OSBPL6: variants seen among roughly 807,000 people sequenced by gnomAD.
The protein encoded by OSBPL6 is oxysterol-binding protein-related protein 6.
Under a neutral mutation model 125.8 loss-of-function variants are expected in OSBPL6, and 49 were observed. That is an observed-to-expected ratio of 0.39 (90% CI 0.31 to 0.49). The LOEUF is 0.49. Ranked by LOEUF, OSBPL6 falls within the 20% of genes least tolerant of loss-of-function variation. OSBPL6 has a pLI of 0.88. For missense variants in OSBPL6, 986 were observed against 1,135.4 expected, an observed-to-expected ratio of 0.87 and a Z score of 1.89; for synonymous variants, 394 against 391.8, an observed-to-expected ratio of 1.01 and a Z score of -0.07.
chr2:178,353,354 G>T (rs1691464300), intron 12 of OSBPL6, among the ~76,000 whole-genome samples: 1 of 152,112 alleles, frequency 6.6e-6, no homozygotes, highest in African/African-American at 2.4e-5. Flanking sequence ...CTTGAAAAAA[G>T]GTTAGACGAA....
chr2:178,287,603 A>G (rs334627), intron 2 of OSBPL6, among the ~76,000 whole-genome samples: 150,410 of 152,284 alleles, frequency 0.99, 74,305 homozygotes, highest in East Asian at 1. Flanking sequence ...TATAGGAGAA[A>G]AAAACTGAAT....
At position 178,312,350 on chromosome 2, in the gene OSBPL6, G is replaced by A. The variant is rs551601189; in HGVS notation, c.102+6064G>A. ...AACTTTGTATTTTTAGTAGAGATGG[G>A]GTTTCACCATGTTGGCCAGGCTGGT... On this transcript the variant is annotated intron_variant, in intron 3 of 24. Transcript: ENST00000190611. 2.4e-3 allele frequency among the ~76,000 whole-genome samples: 364 copies of A among 151,494 alleles called. 4 individuals carry two copies. Among genetic ancestry groups the A allele is most frequent in the Middle Eastern group, 6.8e-3 (2 of 292 alleles).
chr2:178,306,338 A>G, intron 3 of OSBPL6, 52 bp downstream of exon 3: 1 of 1,076,654 alleles, frequency 9.3e-7, no homozygotes. Context: ...ATGCAATACC[A>G]CTGAGATAGG....
chr2:178,341,902 T>G (rs1690240414), intron 11 of OSBPL6, among the ~76,000 whole-genome samples: 1 of 152,008 alleles, frequency 6.6e-6, no homozygotes, highest in Non-Finnish European at 1.5e-5. Context: ...CCTTCAAAAT[T>G]CACACTTGGC....
intron 1 of OSBPL6, among the ~76,000 whole-genome samples, chr2:178,242,221 T>A (rs959073835): frequency 5.3e-5 from 8 of 152,234 alleles, no homozygotes; most frequent in Non-Finnish European, 1.0e-4. Context: ...TCTTAAACAC[T>A]CACAGCTGAA....
intron 12 of OSBPL6, among the ~76,000 whole-genome samples, chr2:178,358,677 A>G (rs919919877): frequency 1.3e-5 from 2 of 152,196 alleles, no homozygotes; most frequent in Non-Finnish European, 2.9e-5. Flanking sequence ...AAGCTCCTTG[A>G]CATTGTTCTT....
Position 178,328,204 on chromosome 2 carries a change from G to A in OSBPL6, c.196-52G>A, listed in dbSNP as rs1005909000. On this transcript the variant is annotated intron_variant, in intron 4 of 24. Coordinates refer to ENST00000190611, the MANE Select transcript of OSBPL6 (RefSeq NM_032523.4). The stretch of plus-strand genomic sequence containing the variant: ...TTCTACTTAAGAATCTGCTTTAAGT[G>A]TGTCATCAGGCACTGAGTAACATGT... 3.1e-6 allele frequency: 5 copies of A among 1,606,806 alleles called. No homozygotes were observed. In the African/African-American group the frequency reaches 6.7e-5, roughly 22 times the overall value.
intron 13 of OSBPL6, among the ~76,000 whole-genome samples, chr2:178,365,745 A>G (rs1692767465): frequency 6.6e-6 from 1 of 152,178 alleles, no homozygotes; most frequent in African/African-American, 2.4e-5. Context: ...ATATAATTCT[A>G]TTATTTAACC....
At chr2:178,341,971 T>C (rs1487960457) in intron 11 of OSBPL6, among the ~76,000 whole-genome samples, 1 of 152,162 alleles carries the variant, frequency 6.6e-6, no homozygotes, top group Admixed American at 6.5e-5. Flanking sequence ...TTACTCAGTA[T>C]TTTGCCTAGA....
Position 178,297,870 on chromosome 2 carries a change from A to C in OSBPL6, c.-155-8160A>C, listed in dbSNP as rs778975125. ...TTATTGTAGTAAAATATGTAGCATA[A>C]AATTTATCATTTTAACTGCTTTGAA... On this transcript the variant is annotated intron_variant, in intron 2 of 24. Transcript: ENST00000190611. Among the ~76,000 whole-genome samples, 64 of 152,232 alleles carry C rather than the reference A, an allele frequency of 4.2e-4. 1 individual carries two copies. Among genetic ancestry groups the C allele is most frequent in the Admixed American group, 6.5e-5 (1 of 15,284 alleles).
At chr2:178,226,816 A>G (rs911359062) in intron 1 of OSBPL6, among the ~76,000 whole-genome samples, 2 of 152,216 alleles carry the variant, frequency 1.3e-5, no homozygotes, top group African/African-American at 4.8e-5. Flanking sequence ...TTTAGTCTTC[A>G]GAGAAAGAGA....
chr2:178,362,035 C>T (rs1042625199), intron 13 of OSBPL6, among the ~76,000 whole-genome samples: 4 of 152,084 alleles, frequency 2.6e-5, no homozygotes, highest in Admixed American at 6.6e-5. Context: ...TGCTTGTAAG[C>T]GTATAATGGT....
intron 1 of OSBPL6, among the ~76,000 whole-genome samples, chr2:178,206,902 A>C (rs2089562614): frequency 6.6e-6 from 1 of 152,014 alleles, no homozygotes; most frequent in African/African-American, 2.4e-5. Flanking sequence ...GATGTGAGCC[A>C]CCACACCCAG....
Position 178,398,888 on chromosome 2 carries a change from G to C in OSBPL6, c.*3329G>C, listed in dbSNP as rs1326036620. ...GATTAAACTGTTTTGCTTAGTACTG[G>C]TTACAGCTGTAGCTGGAGAAGAGTT... On this transcript the variant is annotated 3_prime_UTR_variant, in exon 25 of 25. Transcript: ENST00000190611. 6.6e-6 allele frequency: 1 copy of C among 152,096 alleles called. No individual in the cohort carries two copies. The highest frequency in any genetic ancestry group is 1.5e-5 in the Non-Finnish European group (1 of 68,034). 9.4% of individuals were successfully genotyped at this position (152,096 alleles called of 1,614,324 possible). A position where few individuals can be genotyped will look rare whatever the true frequency, so the allele number is the denominator to read the frequency against.
At chr2:178,296,420 C>A (rs1685758468) in intron 2 of OSBPL6, among the ~76,000 whole-genome samples, 1 of 152,106 alleles carries the variant, frequency 6.6e-6, no homozygotes, top group African/African-American at 2.4e-5. Context: ...TTGGGACTGG[C>A]TTCAAACCCA....
At chr2:178,239,396 C>CA (rs1308099829) in intron 1 of OSBPL6, among the ~76,000 whole-genome samples, 1 of 151,968 alleles carries the variant, frequency 6.6e-6, no homozygotes, top group Non-Finnish European at 1.5e-5. Flanking sequence ...CTCATCTCTA[C>CA]AAAAAATTTA....
intron 1 of OSBPL6, among the ~76,000 whole-genome samples, chr2:178,213,079 T>A (rs1027847818): frequency 5.3e-5 from 8 of 152,318 alleles, no homozygotes; most frequent in African/African-American, 1.7e-4. Flanking sequence ...AGTGCTGGGA[T>A]TACTGGCGTG....
chr2:178,382,812 T>C (rs1238792056), intron 16 of OSBPL6: 14 of 1,397,890 alleles, frequency 1.0e-5, no homozygotes, highest in African/African-American at 1.5e-5. Context: ...GATATTTGAG[T>C]GTATCTAATG....
chr2:178,247,635 T>G (rs958966175), intron 1 of OSBPL6, among the ~76,000 whole-genome samples: 3 of 152,140 alleles, frequency 2.0e-5, no homozygotes, highest in Non-Finnish European at 2.9e-5. Context: ...CTTTTTCTCT[T>G]CCAGAAGTAG....
Sources: gnomAD v4.1 joint callset for allele counts (sites outside exome capture counted in the v4.1 genomes callset) on GRCh38, gnomAD v4.1.1 for gene constraint, MANE v1.5 for transcripts, NCBI Gene and HGNC (gene_info 2026-07-23, HGNC 2026-07-21) for gene names.